Variants in MAPK4 observed in about 807,000 individuals in gnomAD.
MAPK4 encodes Erk3-related.
In MAPK4, 22 loss-of-function variants were observed where a neutral mutation model predicts 47.7. That is an observed-to-expected ratio of 0.46 (90% CI 0.33 to 0.66). The LOEUF (loss-of-function observed/expected upper bound fraction) is 0.66. Ranked by LOEUF, MAPK4 falls within the 30% of genes least tolerant of loss-of-function variation. The probability of loss-of-function intolerance (pLI) is 0.02; values close to 1 mark genes in which losing one functional copy is unlikely to be tolerated. For missense variants in MAPK4, 736 were observed against 831.7 expected, an observed-to-expected ratio of 0.88 and a Z score of 1.42; for synonymous variants, 390 against 365.7, an observed-to-expected ratio of 1.07 and a Z score of -0.76.
intron 1 of MAPK4, among the ~76,000 whole-genome samples, chr18:50,569,186 G>A (rs781782457): frequency 4.6e-5 from 7 of 152,158 alleles, no homozygotes; most frequent in Non-Finnish European, 7.4e-5. Flanking sequence ...AATACCATGT[G>A]TCATTCATTT....
At chr18:50,608,906 T>C (rs1414539361) in intron 1 of MAPK4, among the ~76,000 whole-genome samples, 1 of 151,876 alleles carries the variant, frequency 6.6e-6, no homozygotes, top group African/African-American at 2.4e-5. Flanking sequence ...TACTTGAGAT[T>C]AGGGAGTGGT....
At chr18:50,675,774 G>A (rs1249885009) in intron 2 of MAPK4, among the ~76,000 whole-genome samples, 1 of 152,158 alleles carries the variant, frequency 6.6e-6, no homozygotes, top group Non-Finnish European at 1.5e-5. Context: ...ACTGGTGTGA[G>A]CCACCACGCC....
chr18:50,643,375 T>C (rs991349030), intron 1 of MAPK4, among the ~76,000 whole-genome samples: 8 of 152,170 alleles, frequency 5.3e-5, no homozygotes, highest in African/African-American at 1.9e-4. Context: ...TAGCCAGGCA[T>C]GGCATGGTGG....
rs762718061 is a variant in MAPK4, at chr18:50,729,621, G to A, written c.1531G>A (p.Ala511Thr). 12 of 1,385,708 alleles carry A rather than the reference G, an allele frequency of 8.7e-6. No individual in the cohort carries two copies. The East Asian group carries it at 8.8e-5, about 10-fold the overall frequency. The allele number at this position is 1,385,708 out of a possible 1,614,324, so 85.8% of individuals were successfully genotyped here. ...QGGPEHASPPADDPERRLSAS... is the reference protein window; with the variant it reads ...QGGPEHASPPTDDPERRLSAS... ...CGGCCCAGAGCACGCCAGCCCGCCC[G>A]CCGACGACCCCGAGCGCCGCTTGTC... The change falls in exon 6 of 6, where the codon GCC (alanine) becomes ACC (threonine). Residue 511 changes from alanine (A) to threonine (T), a missense_variant. By Grantham distance (58) the Ala-to-Thr change is moderately conservative. Around this residue, in one of 3 missense-constraint regions of MAPK4, gnomAD observed 377 missense variants for 378.6 expected, o/e 1.00. Coordinates refer to ENST00000400384, the MANE Select transcript of MAPK4 (RefSeq NM_002747.4).
Position 50,715,166 on chromosome 18 carries a change from A to T in MAPK4, c.634A>T (p.Met212Leu). The T allele has an allele frequency of 6.2e-7, 1 of 1,614,168 alleles. No homozygotes were observed. Among genetic ancestry groups the T allele is most frequent in the Non-Finnish European group, 8.5e-7 (1 of 1,180,018 alleles). Reference protein sequence around the residue: ...SPNNYTKAIDMWAAGCILAEM... With the variant: ...SPNNYTKAIDLWAAGCILAEM... ...CAATAACTACACCAAAGCCATCGAC[A>T]TGTGGGCCGCCGGCTGCATCCTGGC... The change falls in exon 3 of 6, where the codon ATG (methionine) becomes TTG (leucine). Residue 212 changes from methionine to leucine, a missense_variant. Met to Leu is a conservative substitution (Grantham distance 15). Around this residue, in one of 3 missense-constraint regions of MAPK4, gnomAD observed 327 missense variants for 395.4 expected, o/e 0.83. Coordinates refer to ENST00000400384, the MANE Select transcript of MAPK4 (RefSeq NM_002747.4).
intron 2 of MAPK4, among the ~76,000 whole-genome samples, chr18:50,673,590 C>A (rs982726491): frequency 6.6e-6 from 1 of 152,142 alleles, no homozygotes; most frequent in African/African-American, 2.4e-5. Flanking sequence ...CGCGGTGGCT[C>A]ACGCCTGTAA....
At chr18:50,692,332 A>G (rs575764883) in intron 2 of MAPK4, among the ~76,000 whole-genome samples, 1 of 152,290 alleles carries the variant, frequency 6.6e-6, no homozygotes, top group East Asian at 1.9e-4. Context: ...AATGATGCAT[A>G]TGAGATCTCT....
At position 50,726,093 on chromosome 18, in the gene MAPK4, C is replaced by G. The variant is rs753210882; in HGVS notation, c.985C>G (p.Arg329Gly). The change falls in exon 5 of 6, where the codon CGC (arginine) becomes GGC (glycine). Residue 329 changes from arginine to glycine, a missense_variant. By Grantham distance (125) the Arg-to-Gly change is moderately radical. Around this residue, in one of 3 missense-constraint regions of MAPK4, gnomAD observed 32 missense variants for 57.7 expected, o/e 0.55. Coordinates refer to ENST00000400384, the MANE Select transcript of MAPK4 (RefSeq NM_002747.4). ...CGAGCCCACCTCACAACACCCCTTC[C>G]GCATTGAGGATGAGATCGACGACAT... is the stretch of plus-strand genomic sequence containing the variant. The part of the protein sequence containing the change: ...EDEPTSQHPF[R>G]IEDEIDDIVL... The G allele has an allele frequency of 6.2e-7, 1 of 1,614,168 alleles. No individual in the cohort carries two copies. Among genetic ancestry groups the G allele is most frequent in the Non-Finnish European group, 8.5e-7 (1 of 1,180,034 alleles).
At chr18:50,697,930 C>G (rs754120316) in intron 2 of MAPK4, among the ~76,000 whole-genome samples, 1 of 152,122 alleles carries the variant, frequency 6.6e-6, no homozygotes, top group Admixed American at 6.5e-5. Flanking sequence ...TAGGGGAGTT[C>G]GCTCTTATTC....
intron 1 of MAPK4, among the ~76,000 whole-genome samples, chr18:50,599,659 T>C (rs1598811791): frequency 1.3e-5 from 2 of 152,168 alleles, no homozygotes; most frequent in East Asian, 3.9e-4. Context: ...GCTCAAGCGG[T>C]CCACCTCCCT....
chr18:50,686,124 G>A (rs1463546180), intron 2 of MAPK4, among the ~76,000 whole-genome samples: 2 of 152,120 alleles, frequency 1.3e-5, no homozygotes, highest in Non-Finnish European at 2.9e-5. Flanking sequence ...GTTAGGAGTC[G>A]TGTTACTCTT....
chr18:50,693,253 T>C (rs578197674), intron 2 of MAPK4, among the ~76,000 whole-genome samples: 3 of 152,072 alleles, frequency 2.0e-5, no homozygotes, highest in African/African-American at 7.2e-5. Flanking sequence ...AGAGAGACTC[T>C]ATCTCAAAAA....
intron 1 of MAPK4, among the ~76,000 whole-genome samples, chr18:50,630,927 C>T (rs774754924): frequency 3.3e-5 from 5 of 152,190 alleles, no homozygotes; most frequent in African/African-American, 9.7e-5. Flanking sequence ...AGCCTTTCTC[C>T]GACCAAGGTA....
intron 2 of MAPK4, among the ~76,000 whole-genome samples, chr18:50,681,821 G>A (rs902146436): frequency 2.6e-5 from 4 of 152,154 alleles, no homozygotes; most frequent in African/African-American, 7.2e-5. Context: ...TTTGTAGTCC[G>A]TTTTGAAGTC....
chr18:50,607,964 T>A (rs1225844596), intron 1 of MAPK4, among the ~76,000 whole-genome samples: 3 of 152,244 alleles, frequency 2.0e-5, no homozygotes, highest in Non-Finnish European at 4.4e-5. Context: ...TTGAAGACAC[T>A]ATCCATTATG....
intron 1 of MAPK4, among the ~76,000 whole-genome samples, chr18:50,646,069 T>G (rs1490763223): frequency 6.6e-6 from 1 of 152,222 alleles, no homozygotes; most frequent in Non-Finnish European, 1.5e-5. Context: ...GGGATAAAAA[T>G]GGAAGGCATC....
chr18:50,634,724 A>G (rs1209093071), intron 1 of MAPK4, among the ~76,000 whole-genome samples: 4 of 152,230 alleles, frequency 2.6e-5, no homozygotes, highest in African/African-American at 9.6e-5. Context: ...AGGAATTACC[A>G]AGGATGAAAA....
chr18:50,607,186 CA>C lies in MAPK4; in HGVS notation c.-871+46944del, dbSNP rs58687746. ...ACTATGTGCCAAATACTAATGGGGC[CA>C]GGGGGGAGGGGACTTTACTAACATC... On this transcript the variant is annotated intron_variant, in intron 1 of 5. Coordinates refer to ENST00000400384, the MANE Select transcript of MAPK4 (RefSeq NM_002747.4). 8.2e-3 allele frequency among the ~76,000 whole-genome samples: 1,251 copies of C among 152,156 alleles called. 13 individuals carry two copies. The highest frequency in any genetic ancestry group is 0.028 in the African/African-American group (1,148 of 41,498).
At chr18:50,698,339 T>C (rs1014931688) in intron 2 of MAPK4, among the ~76,000 whole-genome samples, 10 of 152,234 alleles carry the variant, frequency 6.6e-5, no homozygotes, top group Non-Finnish European at 1.3e-4. Flanking sequence ...TAAATATTCA[T>C]TTATTAAGTA....
Sources: allele counts gnomAD v4.1 joint callset (sites outside exome capture counted in the v4.1 genomes callset), GRCh38; gene constraint gnomAD v4.1.1; regional missense constraint gnomAD v4.1.1; transcripts MANE v1.5; gene names NCBI Gene and HGNC (gene_info 2026-07-23, HGNC 2026-07-21).